Variants in DMBT1 observed in about 807,000 individuals in gnomAD.
DMBT1 encodes the protein deleted in malignant brain tumors 1, also known as scavenger receptor cysteine-rich domain-containing protein DMBT1.
Under a neutral mutation model 252.9 loss-of-function variants are expected in DMBT1, and 198 were observed. The ratio of observed to expected loss-of-function variants is 0.78; its 90% CI spans 0.70 to 0.88. The LOEUF is 0.88. Ranked by LOEUF, DMBT1 falls within the 40% of genes least tolerant of loss-of-function variation. The pLI is 0.00. For missense variants in DMBT1, 2,432 were observed against 2,404.7 expected, an observed-to-expected ratio of 1.01 and a Z score of -0.24; for synonymous variants, 990 against 942.7, an observed-to-expected ratio of 1.05 and a Z score of -0.92.
intron 16 of DMBT1, among the ~76,000 whole-genome samples, chr10:122,587,891 GAGA>G (rs1227170260): frequency 6.7e-6 from 1 of 148,442 alleles, no homozygotes; most frequent in Non-Finnish European, 1.5e-5. Context: ...CTTTGTAGCT[GAGA>G]AGAGGATATC....
chr10:122,591,640 G>A (rs2097850118), intron 19 of DMBT1, 123 bp downstream of exon 19: 2 of 1,124,836 alleles, frequency 1.8e-6, no homozygotes, highest in Non-Finnish European at 2.6e-6. Flanking sequence ...TGTGCGCTGA[G>A]TGGGAGGAAG....
At chr10:122,566,043 C>G (rs775217620) in intron 2 of DMBT1, 47 bp downstream of exon 2, 2 of 1,598,516 alleles carry the variant, frequency 1.3e-6, no homozygotes, top group Non-Finnish European at 1.7e-6. Flanking sequence ...TTGGCCAGTT[C>G]TCCTCTGCTA....
intron 55 of DMBT1, among the ~76,000 whole-genome samples, chr10:122,640,964 G>A (rs2684741): frequency 0.51 from 78,000 of 151,832 alleles, 22,512 homozygotes; most frequent in African/African-American, 0.79. Flanking sequence ...CACGCACATT[G>A]TAAGGCTGTT....
rs2133626948 is a variant in DMBT1 at position 122,618,001 on chromosome 10, T to C, written c.4892-16T>C. 6.2e-7 allele frequency: 1 copy of C among 1,612,094 alleles called. No individual in the cohort carries two copies. Among genetic ancestry groups the C allele is most frequent in the Non-Finnish European group, 8.5e-7 (1 of 1,179,684 alleles). ...CCTGGTGGGGATGGATGAAGGGTTC[T>C]TGTGTTCCCCTGTAGGATCTGAATC... On this transcript the variant is annotated splice_polypyrimidine_tract_variant and intron_variant, in intron 40 of 55. Coordinates refer to ENST00000338354, the MANE Select transcript of DMBT1 (RefSeq NM_001377530.1).
chr10:122,570,239 G>C lies in DMBT1; in HGVS notation c.139+30G>C, dbSNP rs755159428. 7 of 1,507,706 alleles carry C rather than the reference G, an allele frequency of 4.6e-6. No individual in the cohort carries two copies. The East Asian group carries it at 1.6e-4, about 34-fold the overall frequency. 93.4% of individuals were successfully genotyped at this position (1,507,706 alleles called of 1,614,324 possible). Reference sequence around the variant, plus strand: ...GGTCTATTATGGGGGAACCCTGTGGGCTCATTACCCCACTGCACCCCTAGG... The same window carrying C: ...GGTCTATTATGGGGGAACCCTGTGGCCTCATTACCCCACTGCACCCCTAGG... On this transcript the variant is annotated intron_variant, in intron 3 of 55. Coordinates refer to ENST00000338354, the MANE Select transcript of DMBT1 (RefSeq NM_001377530.1).
rs752147908 is a variant in DMBT1, at chr10:122,617,228, A to G, written c.4859A>G (p.Asp1620Gly). The G allele has an allele frequency of 5.4e-5, 87 of 1,609,388 alleles. 1 individual carries two copies. Among genetic ancestry groups the G allele is most frequent in the Admixed American group, 4.5e-4 (27 of 59,900 alleles). Residue 1620 changes from aspartate to glycine, a missense_variant and splice_region_variant, in exon 40 of 56, where the codon GAC becomes GGC. Asp to Gly is a moderately conservative substitution (Grantham distance 94, BLOSUM62 -1). Transcript: ENST00000338354. ...ASQSQPTPSPDTWPTSRASTA... is the reference protein window; with the variant it reads ...ASQSQPTPSPGTWPTSRASTA... ...CTTTTTTCTTTGTTGCTATTTACAG[A>G]CACTTGGCCAACCTCTCGTGCATCA... is the stretch of plus-strand genomic sequence containing the variant.
intron 53 of DMBT1, 35 bp downstream of exon 53, chr10:122,636,234 G>T: frequency 6.4e-7 from 1 of 1,558,656 alleles, no homozygotes; most frequent in Non-Finnish European, 8.8e-7. Flanking sequence ...TGTTGGGACT[G>T]GGGACATCCT....
chr10:122,585,140 C>A, intron 14 of DMBT1, 131 bp from the exon 15 acceptor site: 1 of 1,234,932 alleles, frequency 8.1e-7, no homozygotes, highest in Non-Finnish European at 1.2e-6. Flanking sequence ...TGGGCAGACA[C>A]ATGGGGAGCA....
chr10:122,570,230 A>T (rs3740222), intron 3 of DMBT1, 21 bp downstream of exon 3: 1,048,388 of 1,515,714 alleles, frequency 0.69, 366,865 homozygotes, highest in Admixed American at 0.82. Context: ...TTATGGGGGA[A>T]CCCTGTGGGC....
At chr10:122,632,561 C>T (rs1487647546) in intron 50 of DMBT1, among the ~76,000 whole-genome samples, 1 of 152,150 alleles carries the variant, frequency 6.6e-6, no homozygotes, top group African/African-American at 2.4e-5. Context: ...CCCGTTTCTA[C>T]CTCTTTGCCT....
At chr10:122,570,560 T>G (rs12779956) in intron 3 of DMBT1, among the ~76,000 whole-genome samples, 104,599 of 152,164 alleles carry the variant, frequency 0.69, 36,162 homozygotes, top group East Asian at 0.77. Flanking sequence ...GGGTGTGTTT[T>G]AGCTATAGAA....
intron 27 of DMBT1, 120 bp downstream of exon 27, chr10:122,600,213 C>A: frequency 7.2e-7 from 1 of 1,379,634 alleles, no homozygotes; most frequent in East Asian, 2.4e-5. Context: ...TTATTTCTAC[C>A]CCCAACACCA....
intron 19 of DMBT1, 30 bp from the exon 20 acceptor site, chr10:122,592,242 T>A: frequency 6.3e-7 from 1 of 1,583,044 alleles, no homozygotes; most frequent in Non-Finnish European, 8.6e-7. Flanking sequence ...ATGGTAGGGA[T>A]GGATAAAGGG....
chr10:122,624,750 G>A (rs2098103017), intron 44 of DMBT1, among the ~76,000 whole-genome samples: 1 of 152,218 alleles, frequency 6.6e-6, no homozygotes, highest in African/African-American at 2.4e-5. Context: ...GATGATGTGT[G>A]CTGCTCAGGG....
chr10:122,620,204 T>A, intron 42 of DMBT1, 49 bp from the exon 43 acceptor site: 2 of 1,595,416 alleles, frequency 1.3e-6, no homozygotes, highest in East Asian at 2.2e-5. Flanking sequence ...TTTTGTAGCT[T>A]TCCTCCCTCA....
intron 6 of DMBT1, 112 bp from the exon 7 acceptor site, chr10:122,576,287 A>T (rs1325390452): frequency 1.4e-6 from 2 of 1,447,108 alleles, no homozygotes; most frequent in Non-Finnish European, 1.9e-6. Flanking sequence ...CAGCCCAATT[A>T]GAGATTCTCT....
Position 122,577,844 on chromosome 10 carries a change from A to T in DMBT1, c.637+4A>T. On this transcript the variant is annotated splice_donor_region_variant and intron_variant, in intron 8 of 55. Transcript: ENST00000338354. ...CCTCAGTCAACACTCAGGCCAGGTG[A>T]GTCCCCAGAATCCTTCCTCGGGATA... is the stretch of plus-strand genomic sequence containing the variant. 6.2e-7 allele frequency: 1 copy of T among 1,613,452 alleles called. No homozygotes were observed. The highest frequency in any genetic ancestry group is 1.1e-5 in the South Asian group (1 of 90,960).
chr10:122,628,274 C>G (rs1199638317), intron 46 of DMBT1, among the ~76,000 whole-genome samples: 1 of 152,188 alleles, frequency 6.6e-6, no homozygotes, highest in Non-Finnish European at 1.5e-5. Context: ...ATGCAAATGT[C>G]CATCATGGTG....
At chr10:122,562,396 A>G (rs7081033) in intron 1 of DMBT1, among the ~76,000 whole-genome samples, 101,775 of 151,852 alleles carry the variant, frequency 0.67, 34,462 homozygotes, top group East Asian at 0.77. Flanking sequence ...CCTCCCACCC[A>G]GGTGGTAGGG....
Sources: allele counts gnomAD v4.1 joint callset (sites outside exome capture counted in the v4.1 genomes callset), GRCh38; gene constraint gnomAD v4.1.1; transcripts MANE v1.5; gene names NCBI Gene and HGNC (gene_info 2026-07-23, HGNC 2026-07-21).